The following NEDD4 variants were observed in gnomAD, a reference collection of about 807,000 sequenced individuals.
The protein encoded by NEDD4 is NEDD4 E3 ubiquitin protein ligase.
Under a neutral mutation model 144.9 loss-of-function variants are expected in NEDD4, and 99 were observed. The observed-to-expected ratio is 0.68, with a 90% confidence interval of 0.58 to 0.81. The LOEUF (loss-of-function observed/expected upper bound fraction) is 0.81. NEDD4 is among the 30% of genes least tolerant of loss of function. The probability of loss-of-function intolerance (pLI) is 0.00; values close to 1 mark genes in which losing one functional copy is unlikely to be tolerated. For missense variants in NEDD4, 985 were observed against 1,065.9 expected, an observed-to-expected ratio of 0.92 and a Z score of 1.06; for synonymous variants, 318 against 350.6, an observed-to-expected ratio of 0.91 and a Z score of 1.04.
chr15:55,979,446 C>T (rs2037762839), intron 1 of NEDD4, among the ~76,000 whole-genome samples: 3 of 146,460 alleles, frequency 2.0e-5, no homozygotes, highest in South Asian at 2.2e-4. Context: ...CTCCGCTTCC[C>T]GGGTTCACGC....
At chr15:55,882,558 C>A (rs1392593529) in intron 5 of NEDD4, among the ~76,000 whole-genome samples, 1 of 152,166 alleles carries the variant, frequency 6.6e-6, no homozygotes. Context: ...GGCTAAAGCA[C>A]TCTGGGGTTC....
intron 5 of NEDD4, among the ~76,000 whole-genome samples, chr15:55,903,615 G>C (rs12439762): frequency 0.12 from 18,352 of 151,456 alleles, 1,328 homozygotes; most frequent in East Asian, 0.36. Flanking sequence ...ACGAGGTCAG[G>C]AGATCGAGAC....
At chr15:55,863,814 T>G (rs1405161994) in intron 8 of NEDD4, among the ~76,000 whole-genome samples, 2 of 152,054 alleles carry the variant, frequency 1.3e-5, no homozygotes, top group Non-Finnish European at 2.9e-5. Flanking sequence ...ATCTGACACA[T>G]GGAAAAAATC....
intron 7 of NEDD4, among the ~76,000 whole-genome samples, chr15:55,871,208 A>G (rs2034783529): frequency 6.6e-6 from 1 of 152,198 alleles, no homozygotes; most frequent in South Asian, 2.1e-4. Flanking sequence ...TGTGGCTATA[A>G]AAGATGGATA....
intron 18 of NEDD4, among the ~76,000 whole-genome samples, chr15:55,844,476 C>G (rs1198887046): frequency 6.6e-6 from 1 of 152,096 alleles, no homozygotes; most frequent in Non-Finnish European, 1.5e-5. Context: ...GAGGGGGGTA[C>G]AAGAGAACTT....
chr15:55,860,507 G>A lies in NEDD4; in HGVS notation c.860C>T (p.Pro287Leu), dbSNP rs766893416. The A allele has an allele frequency of 4.3e-6, 7 of 1,614,082 alleles. No homozygotes were observed. The highest frequency in any genetic ancestry group is 3.3e-5 in the Admixed American group (2 of 60,008). ...AGTTGGAACATCCAAGTTACTTGAC[G>A]GTGGAGGTGATGGGAAGGCCTGGTT... is the stretch of plus-strand genomic sequence containing the variant. ...YSNQAFPSPP[P>L]SSNLDVPTHL... Residue 287 changes from proline to leucine, a missense_variant, in exon 11 of 29, where the codon CCG (proline) becomes CTG (leucine). Coordinates refer to ENST00000435532, the MANE Select transcript of NEDD4 (RefSeq NM_006154.4).
intron 1 of NEDD4, among the ~76,000 whole-genome samples, chr15:55,988,486 T>TAAAAAAAAAAAA (rs1491422042): frequency 6.1e-5 from 2 of 32,880 alleles, no homozygotes; most frequent in South Asian, 8.9e-4. Context: ...AAAAAAAAAA[T>TAAAAAAAAAAAA]TAAAAAAAAA....
In NEDD4 at chr15:55,829,589, C is replaced by T; in HGVS notation, c.*308G>A. 5.0e-6 allele frequency: 1 copy of T among 198,136 alleles called. No homozygotes were observed. The highest frequency in any genetic ancestry group is 1.0e-5 in the Non-Finnish European group (1 of 96,878). 12.3% of individuals were successfully genotyped at this position (198,136 alleles called of 1,614,324 possible). A position where few individuals can be genotyped will look rare whatever the true frequency, so the allele number is the denominator to read the frequency against. On this transcript the variant is annotated 3_prime_UTR_variant, in exon 29 of 29. Transcript: ENST00000435532. Reference sequence around the variant, plus strand: ...AGAGGTAAATGTTAAGGACAAAATTCACTATTTAAGTCATACAGGACTTAT... The same window carrying T: ...AGAGGTAAATGTTAAGGACAAAATTTACTATTTAAGTCATACAGGACTTAT...
intron 11 of NEDD4, among the ~76,000 whole-genome samples, 180 bp from the exon 12 acceptor site, chr15:55,856,376 C>T (rs1264822145): frequency 2.6e-5 from 4 of 152,152 alleles, no homozygotes; most frequent in South Asian, 2.1e-4. Context: ...TGGACACCTT[C>T]ACACATCCAG....
chr15:55,844,617 C>T (rs765395062), intron 18 of NEDD4, among the ~76,000 whole-genome samples: 1 of 152,046 alleles, frequency 6.6e-6, no homozygotes, highest in Non-Finnish European at 1.5e-5. Context: ...GTTTCCTCAT[C>T]TATAAAATAG....
intron 1 of NEDD4, 22 bp downstream of exon 1, chr15:55,993,489 C>G: frequency 6.3e-7 from 1 of 1,594,346 alleles, no homozygotes; most frequent in East Asian, 2.4e-5. Flanking sequence ...AAGCCCGCCC[C>G]GCAGCCCCGC....
chr15:55,832,573 C>A (rs1356637600), intron 27 of NEDD4, among the ~76,000 whole-genome samples: 1 of 152,092 alleles, frequency 6.6e-6, no homozygotes, highest in African/African-American at 2.4e-5. Context: ...CACCACCAAG[C>A]CCAGCTAATA....
At chr15:55,967,589 G>A (rs1417150825) in intron 1 of NEDD4, among the ~76,000 whole-genome samples, 2 of 151,734 alleles carry the variant, frequency 1.3e-5, no homozygotes, top group East Asian at 3.9e-4. Context: ...TAATGGTTCT[G>A]TAGGTTTGAA....
intron 5 of NEDD4, among the ~76,000 whole-genome samples, chr15:55,880,722 C>T (rs1217235982): frequency 6.6e-6 from 1 of 151,928 alleles, no homozygotes; most frequent in African/African-American, 2.4e-5. Flanking sequence ...TTATGTAACA[C>T]CTAGAGAGCA....
chr15:55,847,843 A>AT (rs1289094530), intron 17 of NEDD4, among the ~76,000 whole-genome samples: 19 of 149,912 alleles, frequency 1.3e-4, no homozygotes, highest in Non-Finnish European at 2.5e-4. Flanking sequence ...TGCCCAACTA[A>AT]TTTTTTTTGC....
chr15:55,931,667 T>G (rs1055022709), intron 4 of NEDD4, among the ~76,000 whole-genome samples: 2 of 152,218 alleles, frequency 1.3e-5, no homozygotes, highest in Non-Finnish European at 2.9e-5. Flanking sequence ...GATTCTATTG[T>G]GTTCATAAAG....
intron 5 of NEDD4, among the ~76,000 whole-genome samples, chr15:55,903,887 G>A (rs564037547): frequency 1.0e-4 from 15 of 147,580 alleles, no homozygotes; most frequent in African/African-American, 3.3e-4. Context: ...GGCTGGGCAC[G>A]GTGGCTCATG....
intron 2 of NEDD4, among the ~76,000 whole-genome samples, chr15:55,954,187 A>G (rs2037296598): frequency 6.6e-6 from 1 of 152,052 alleles, no homozygotes; most frequent in African/African-American, 2.4e-5. Flanking sequence ...GTTTTTAGAT[A>G]CTACTGACCA....
chr15:55,838,303 A>C, intron 22 of NEDD4, 123 bp from the exon 23 acceptor site: 1 of 765,618 alleles, frequency 1.3e-6, no homozygotes, highest in Non-Finnish European at 2.1e-6. Flanking sequence ...TTAAAAACTA[A>C]GAAAACTTAA....
Sources: allele counts gnomAD v4.1 joint callset (sites outside exome capture counted in the v4.1 genomes callset), GRCh38; gene constraint gnomAD v4.1.1; transcripts MANE v1.5; gene names NCBI Gene and HGNC (gene_info 2026-07-23, HGNC 2026-07-21).